Variants in LINGO2 observed in about 807,000 individuals in gnomAD.
The protein encoded by LINGO2 is leucine-rich repeat and immunoglobulin-like domain-containing nogo receptor-interacting protein 2.
LINGO2 carries 14 observed loss-of-function variants against 30.6 expected under a neutral mutation model. That is an observed-to-expected ratio of 0.46 (90% confidence interval 0.30 to 0.72). The LOEUF is 0.72. Ranked by LOEUF, LINGO2 falls within the 30% of genes least tolerant of loss-of-function variation. The pLI is 0.07. For missense variants in LINGO2, 729 were observed against 751.7 expected, an observed-to-expected ratio of 0.97 and a Z score of 0.35; for synonymous variants, 317 against 288.5, an observed-to-expected ratio of 1.10 and a Z score of -1.00.
At chr9:28,397,568 G>GTTTT (rs1822101944) in intron 2 of LINGO2, among the ~76,000 whole-genome samples, 1 of 89,772 alleles carries the variant, frequency 1.1e-5, no homozygotes, top group African/African-American at 4.6e-5. Context: ...TTTTTTTTGA[G>GTTTT]ACGGAGTCTC....
intron 2 of LINGO2, among the ~76,000 whole-genome samples, chr9:28,445,584 A>G (rs186454047): frequency 5.3e-5 from 8 of 152,308 alleles, no homozygotes; most frequent in African/African-American, 1.9e-4. Context: ...TACATATTTT[A>G]TTGCTCCCTT....
At position 28,153,249 on chromosome 9, in the gene LINGO2, G is replaced by A. The variant is rs143307725; in HGVS notation, c.-86-140844C>T. 8.8e-4 allele frequency among the ~76,000 whole-genome samples: 134 copies of A among 152,216 alleles called. 2 individuals are homozygous for A. The East Asian group carries it at 0.02, about 22-fold the overall frequency. ...TTAACATTTGCATAAGTGCAGAAAC[G>A]TGTATACTGAAAAATCCTTGTTACT... is the stretch of plus-strand genomic sequence containing the variant. On this transcript the variant is annotated intron_variant, in intron 4 of 5. Transcript: ENST00000379992.
chr9:28,887,190 G>A, the LINGO2 span, among the ~76,000 whole-genome samples: 6 of 152,072 alleles, frequency 3.9e-5, no homozygotes, highest in African/African-American at 1.4e-4. Flanking sequence ...GTTGAAAATA[G>A]ATGCTCAATA....
intron 2 of LINGO2, among the ~76,000 whole-genome samples, chr9:28,373,313 A>AC (rs1273316249): frequency 1.8e-4 from 27 of 152,294 alleles, no homozygotes; most frequent in African/African-American, 5.8e-4. Flanking sequence ...CTACTCTTGA[A>AC]TGCTGATTAG....
At chr9:28,513,814 T>C (rs1369345916) in intron 1 of LINGO2, among the ~76,000 whole-genome samples, 1 of 152,230 alleles carries the variant, frequency 6.6e-6, no homozygotes, top group East Asian at 1.9e-4. Context: ...AAAAAGGACA[T>C]ACCGACTTCG....
chr9:28,383,862 T>C (rs927485316), intron 2 of LINGO2, among the ~76,000 whole-genome samples: 3 of 152,076 alleles, frequency 2.0e-5, no homozygotes, highest in African/African-American at 7.2e-5. Flanking sequence ...TATGCACTTT[T>C]TTCCACCTCA....
chr9:28,011,704 G>A (rs571502907), intron 5 of LINGO2, among the ~76,000 whole-genome samples: 5 of 152,284 alleles, frequency 3.3e-5, no homozygotes, highest in Non-Finnish European at 7.3e-5. Context: ...TGAGCTCTGT[G>A]CATTTTCATC....
chr9:28,043,241 A>T (rs1587753665), intron 4 of LINGO2, among the ~76,000 whole-genome samples: 1 of 152,224 alleles, frequency 6.6e-6, no homozygotes, highest in African/African-American at 2.4e-5. Context: ...GACACATGAT[A>T]AAACTGCGGT....
chr9:28,552,885 TAA>T (rs138795865), intron 1 of LINGO2, among the ~76,000 whole-genome samples: 3 of 145,524 alleles, frequency 2.1e-5, no homozygotes, highest in Non-Finnish European at 3.0e-5. Flanking sequence ...TTTCCAACAT[TAA>T]AAAAAAAAAA....
At chr9:28,446,625 G>C (rs573292178) in intron 2 of LINGO2, among the ~76,000 whole-genome samples, 54 of 152,132 alleles carry the variant, frequency 3.5e-4, no homozygotes, top group Non-Finnish European at 7.1e-4. Flanking sequence ...GTTATTACGT[G>C]CTCCAAAGCA....
intron 4 of LINGO2, among the ~76,000 whole-genome samples, chr9:28,124,551 G>C (rs1298627632): frequency 6.6e-6 from 1 of 152,118 alleles, no homozygotes; most frequent in Non-Finnish European, 1.5e-5. Context: ...CTTGTTCTTT[G>C]TTTCTTTTTT....
At chr9:29,175,276 G>A in the LINGO2 span, among the ~76,000 whole-genome samples, 46 of 151,938 alleles carry the variant, frequency 3.0e-4, no homozygotes, top group African/African-American at 1.1e-3. Flanking sequence ...ATAAATAAAG[G>A]CAAAACATAT....
At position 28,564,155 on chromosome 9, in the gene LINGO2, A is replaced by G. The variant is rs574157076; in HGVS notation, c.-364-88130T>C. 1.1e-4 allele frequency among the ~76,000 whole-genome samples: 16 copies of G among 152,290 alleles called. No individual in the cohort carries two copies. In the South Asian group the frequency reaches 3.3e-3, roughly 32 times the overall value. On this transcript the variant is annotated intron_variant, in intron 1 of 5. Coordinates refer to ENST00000379992, the Ensembl canonical transcript of LINGO2. ...AAAAAGAATTGTGGGGAAAAGTAAA[A>G]TAACAAAATAATTATCTTTTGCTGA... is the stretch of plus-strand genomic sequence containing the variant.
intron 4 of LINGO2, among the ~76,000 whole-genome samples, chr9:28,126,365 G>C (rs1209890831): frequency 6.6e-6 from 1 of 152,014 alleles, no homozygotes; most frequent in Non-Finnish European, 1.5e-5. Flanking sequence ...GCTTTAAGTG[G>C]AAGGGGAATA....
At chr9:28,350,387 T>C (rs1438205349) in intron 3 of LINGO2, among the ~76,000 whole-genome samples, 1 of 147,590 alleles carries the variant, frequency 6.8e-6, no homozygotes, top group African/African-American at 2.5e-5. Flanking sequence ...GCAACAAAGA[T>C]CAAAAGAGAC....
the LINGO2 span, among the ~76,000 whole-genome samples, chr9:28,749,279 T>C: frequency 6.6e-6 from 1 of 152,130 alleles, no homozygotes; most frequent in African/African-American, 2.4e-5. Context: ...GTCCTTTACA[T>C]TGAGAGCCTT....
the LINGO2 span, among the ~76,000 whole-genome samples, chr9:28,852,075 G>A: frequency 6.6e-6 from 1 of 151,886 alleles, no homozygotes; most frequent in East Asian, 1.9e-4. Context: ...AAAAGTACCT[G>A]TACAACATCA....
the LINGO2 span, among the ~76,000 whole-genome samples, chr9:29,137,722 C>T: frequency 6.6e-6 from 1 of 152,154 alleles, no homozygotes; most frequent in Non-Finnish European, 1.5e-5. Context: ...TTTCACCAAT[C>T]TCCCTCTAAT....
chr9:29,083,054 A>G, the LINGO2 span, among the ~76,000 whole-genome samples: 1 of 152,098 alleles, frequency 6.6e-6, no homozygotes, highest in Non-Finnish European at 1.5e-5. Context: ...AACTAGAAAT[A>G]CCATTTGACC....
Sources: allele counts gnomAD v4.1 joint callset (sites outside exome capture counted in the v4.1 genomes callset), GRCh38; gene constraint gnomAD v4.1.1; transcripts MANE v1.5; gene names NCBI Gene and HGNC (gene_info 2026-07-23, HGNC 2026-07-21).